SEC24D: variants seen among roughly 807,000 people sequenced by gnomAD.
SEC24D encodes protein transport protein Sec24D.
A neutral mutation model predicts 116.9 loss-of-function variants in SEC24D; 69 were observed. The observed-to-expected ratio is 0.59, with a 90% CI of 0.49 to 0.72. SEC24D has a LOEUF of 0.72. Among genes scored for constraint, SEC24D ranks in the 30% least tolerant of loss-of-function variants. The pLI is 0.00. For synonymous variants in SEC24D, 405 were observed against 442.8 expected (o/e 0.91, Z 1.07); for missense variants, 1,131 against 1,264.1 (o/e 0.89, Z 1.60).
At chr4:118,780,115 T>C (rs1312452450) in intron 8 of SEC24D, among the ~76,000 whole-genome samples, 1 of 152,254 alleles carries the variant, frequency 6.6e-6, no homozygotes, top group Non-Finnish European at 1.5e-5. Flanking sequence ...AGTTCTGCTC[T>C]GATGTTAGTT....
At chr4:118,771,295 T>C (rs1040478616) in intron 8 of SEC24D, among the ~76,000 whole-genome samples, 3 of 152,204 alleles carry the variant, frequency 2.0e-5, no homozygotes, top group African/African-American at 2.4e-5. Flanking sequence ...AAATATACTT[T>C]AATATTTAGC....
At chr4:118,751,480 C>A (rs1211508552) in intron 13 of SEC24D, among the ~76,000 whole-genome samples, 1 of 152,104 alleles carries the variant, frequency 6.6e-6, no homozygotes, top group Non-Finnish European at 1.5e-5. Flanking sequence ...GCTTTTTAAT[C>A]ATTACGGCTT....
chr4:118,776,910 T>G (rs897068060), intron 8 of SEC24D, among the ~76,000 whole-genome samples: 1 of 152,124 alleles, frequency 6.6e-6, no homozygotes, highest in African/African-American at 2.4e-5. Context: ...TTGGCAGCTT[T>G]CCACTCCTCA....
chr4:118,832,231 C>A (rs879793488), intron 2 of SEC24D, among the ~76,000 whole-genome samples: 5 of 151,928 alleles, frequency 3.3e-5, no homozygotes, highest in Non-Finnish European at 7.4e-5. Flanking sequence ...GGAGACTCCA[C>A]CTCAAAAGAC....
intron 22 of SEC24D, among the ~76,000 whole-genome samples, chr4:118,723,945 G>T (rs149057970): frequency 1.3e-5 from 2 of 152,270 alleles, no homozygotes; most frequent in African/African-American, 4.8e-5. Context: ...AAAGGATAGG[G>T]GTAGGGCTAG....
At chr4:118,810,460 A>C (rs772769170) in intron 6 of SEC24D, among the ~76,000 whole-genome samples, 6 of 152,218 alleles carry the variant, frequency 3.9e-5, no homozygotes, top group Non-Finnish European at 7.3e-5. Flanking sequence ...TTTTGGCCTG[A>C]GGAGCCAGAA....
intron 22 of SEC24D, among the ~76,000 whole-genome samples, chr4:118,728,134 A>C (rs934097318): frequency 6.6e-6 from 1 of 152,238 alleles, no homozygotes; most frequent in African/African-American, 2.4e-5. Flanking sequence ...AACTCAGAAA[A>C]GGCTAGAAGG....
chr4:118,763,965 C>A (rs943457527), intron 10 of SEC24D, among the ~76,000 whole-genome samples: 10 of 152,092 alleles, frequency 6.6e-5, no homozygotes, highest in Non-Finnish European at 1.3e-4. Context: ...TGCATATACA[C>A]AATTAAAATT....
intron 13 of SEC24D, among the ~76,000 whole-genome samples, chr4:118,751,425 G>A (rs1289792928): frequency 6.6e-6 from 1 of 152,128 alleles, no homozygotes; most frequent in East Asian, 1.9e-4. Context: ...TGGTCTGCCT[G>A]CCTCAGCCTC....
chr4:118,738,640 G>GA (rs1239274262), intron 18 of SEC24D, among the ~76,000 whole-genome samples: 1 of 152,228 alleles, frequency 6.6e-6, no homozygotes, highest in Admixed American at 6.5e-5. Flanking sequence ...TGTACACACA[G>GA]AAAAAAAGAC....
intron 8 of SEC24D, among the ~76,000 whole-genome samples, chr4:118,774,014 T>A (rs977047340): frequency 6.6e-6 from 1 of 152,100 alleles, no homozygotes; most frequent in African/African-American, 2.4e-5. Flanking sequence ...AGCTTGAGGA[T>A]AAGACACTTA....
At position 118,723,600 on chromosome 4, in the gene SEC24D, A is replaced by G; in HGVS notation, c.3014T>C (p.Val1005Ala). 1 of 1,614,002 alleles carries G rather than the reference A, an allele frequency of 6.2e-7. No individual in the cohort carries two copies. Among genetic ancestry groups the G allele is most frequent in the South Asian group, 1.1e-5 (1 of 91,054 alleles). The change falls in exon 23 of 23, where the codon GTA becomes GCA. Residue 1005 changes from valine (V) to alanine (A), a missense_variant. Val to Ala is a moderately conservative substitution (Grantham distance 64, BLOSUM62 0). Coordinates refer to ENST00000280551, the MANE Select transcript of SEC24D (RefSeq NM_014822.4). Reference sequence around the variant, plus strand: ...GCCTCCGTAAAGTCCTTTGTCTTCTACCAGGAACTGTCGGAAAACCATTTC... The same window carrying G: ...GCCTCCGTAAAGTCCTTTGTCTTCTGCCAGGAACTGTCGGAAAACCATTTC... ...QPEMVFRQFL[V>A]EDKGLYGGSS...
At chr4:118,791,107 T>A (rs1008494203) in intron 8 of SEC24D, among the ~76,000 whole-genome samples, 1 of 152,122 alleles carries the variant, frequency 6.6e-6, no homozygotes, top group Non-Finnish European at 1.5e-5. Context: ...CTATAATTGT[T>A]TAGTTTTTTA....
chr4:118,730,512 CA>C (rs1228545910), intron 21 of SEC24D: 1 of 152,124 alleles, frequency 6.6e-6, no homozygotes, highest in Admixed American at 6.6e-5. Flanking sequence ...AGACTTAAGC[CA>C]TCTTGCCACA....
At chr4:118,778,135 C>A (rs1170617542) in intron 8 of SEC24D, among the ~76,000 whole-genome samples, 1 of 152,148 alleles carries the variant, frequency 6.6e-6, no homozygotes, top group Non-Finnish European at 1.5e-5. Flanking sequence ...TCTGTTCTGG[C>A]TTTTGTCACC....
rs371494236 is a variant in SEC24D, at chr4:118,798,899, G to A, written c.914-1089C>T. Among the ~76,000 whole-genome samples the A allele has an allele frequency of 1.9e-4, 29 of 152,348 alleles. No individual in the cohort carries two copies. In the East Asian group the frequency reaches 3.7e-3, roughly 19 times the overall value. On this transcript the variant is annotated intron_variant, in intron 7 of 22. Coordinates refer to ENST00000280551, the MANE Select transcript of SEC24D (RefSeq NM_014822.4). The stretch of plus-strand genomic sequence containing the variant: ...AGCTGGAATGGAGCCACTGTGGGGG[G>A]CACCAACTGGTGTGGAGTTCAGCGA...
chr4:118,761,797 T>C (rs1043237557), intron 10 of SEC24D, among the ~76,000 whole-genome samples: 12 of 152,226 alleles, frequency 7.9e-5, no homozygotes, highest in African/African-American at 2.7e-4. Context: ...ACTGTCCTAG[T>C]TGTCATGTCC....
intron 8 of SEC24D, among the ~76,000 whole-genome samples, chr4:118,771,166 C>A (rs939113027): frequency 6.6e-6 from 1 of 152,076 alleles, no homozygotes; most frequent in Non-Finnish European, 1.5e-5. Flanking sequence ...TCTTGGTGTG[C>A]ATGGCTTTAA....
At chr4:118,781,162 G>C (rs1728391882) in intron 8 of SEC24D, among the ~76,000 whole-genome samples, 1 of 152,044 alleles carries the variant, frequency 6.6e-6, no homozygotes, top group Admixed American at 6.6e-5. Flanking sequence ...CCCGTTAGTT[G>C]ATGCAGTTTC....
Sources: gnomAD v4.1 joint callset for allele counts (sites outside exome capture counted in the v4.1 genomes callset) on GRCh38, gnomAD v4.1.1 for gene constraint, MANE v1.5 for transcripts, NCBI Gene and HGNC (gene_info 2026-07-23, HGNC 2026-07-21) for gene names.